CPEB3: variants seen among roughly 807,000 people sequenced by gnomAD.
CPEB3 encodes the protein cytoplasmic polyadenylation element binding protein 3.
A neutral mutation model predicts 67.2 loss-of-function variants in CPEB3; 20 were observed. The observed-to-expected ratio is 0.30, with a 90% CI of 0.21 to 0.43. The LOEUF (loss-of-function observed/expected upper bound fraction) is 0.43, where lower values mean the gene tolerates loss of function less well. Among genes scored for constraint, CPEB3 ranks in the 20% least tolerant of loss-of-function variants. CPEB3 has a pLI of 1.00. For synonymous variants in CPEB3, 376 were observed against 393.1 expected, an observed-to-expected ratio of 0.96 and a Z score of 0.51; for missense variants, 746 against 968.6, an observed-to-expected ratio of 0.77 and a Z score of 3.05.
chr10:92,287,315 A>G (rs1231428715), intron 1 of CPEB3, among the ~76,000 whole-genome samples: 1 of 152,180 alleles, frequency 6.6e-6, no homozygotes, highest in African/African-American at 2.4e-5. Context: ...ATATAAATGC[A>G]GGAGTGCATT....
chr10:92,218,530 G>A lies in CPEB3; in HGVS notation c.1005+20816C>T, dbSNP rs1340469506. 3.3e-5 allele frequency among the ~76,000 whole-genome samples: 5 copies of A among 152,180 alleles called. No individual in the cohort carries two copies. The East Asian group carries it at 9.6e-4, about 29-fold the overall frequency. Reference sequence around the variant, plus strand: ...AAAATGTCTCCTACTCAATCTTACAGGATGCATGGATATATGTGCATATGT... The same window carrying A: ...AAAATGTCTCCTACTCAATCTTACAAGATGCATGGATATATGTGCATATGT... On this transcript the variant is annotated intron_variant, in intron 2 of 9. Coordinates refer to ENST00000265997, the MANE Select transcript of CPEB3 (RefSeq NM_014912.5).
intron 1 of CPEB3, among the ~76,000 whole-genome samples, chr10:92,268,651 C>T (rs535691379): frequency 2.0e-5 from 3 of 152,262 alleles, no homozygotes; most frequent in African/African-American, 7.2e-5. Flanking sequence ...TCACTTTCTT[C>T]TTCTTCTGTT....
chr10:92,251,068 T>C lies in CPEB3; in HGVS notation c.-11-10707A>G, dbSNP rs573330064. On this transcript the variant is annotated intron_variant, in intron 1 of 9. Coordinates refer to ENST00000265997, the MANE Select transcript of CPEB3 (RefSeq NM_014912.5). ...TTACTGTACCCTTCTGAAGTTTAGA[T>C]ATACAAATACCTACCATTGTGTTAC... Among the ~76,000 whole-genome samples the C allele has an allele frequency of 5.3e-5, 8 of 152,142 alleles. No individual in the cohort carries two copies. The South Asian group carries it at 1.7e-3, about 32-fold the overall frequency.
At chr10:92,180,138 G>C (rs565874757) in intron 4 of CPEB3, among the ~76,000 whole-genome samples, 2 of 152,182 alleles carry the variant, frequency 1.3e-5, no homozygotes, top group Non-Finnish European at 2.9e-5. Flanking sequence ...CTAGGAAGGA[G>C]AGCTGATGCC....
intron 4 of CPEB3, among the ~76,000 whole-genome samples, chr10:92,154,116 G>C (rs1352930100): frequency 6.6e-6 from 1 of 152,138 alleles, no homozygotes; most frequent in Non-Finnish European, 1.5e-5. Flanking sequence ...GAAAAGCACA[G>C]CATATATTAA....
intron 7 of CPEB3, among the ~76,000 whole-genome samples, chr10:92,094,814 C>T (rs982752030): frequency 2.7e-5 from 4 of 150,846 alleles, no homozygotes; most frequent in African/African-American, 9.7e-5. Context: ...TAATGACACA[C>T]ACACACACAC....
Position 92,289,718 on chromosome 10 carries a change from CA to C in CPEB3, c.-12+1207del, listed in dbSNP as rs749285662. ...CAACATGGCGAGACCGCGTCTCTAC[CA>C]AAAAAAAAAAAAAATATATATATAT... is the stretch of plus-strand genomic sequence containing the variant. On this transcript the variant is annotated intron_variant, in intron 1 of 9. Transcript: ENST00000265997. Among the ~76,000 whole-genome samples the C allele has an allele frequency of 7.3e-3, 226 of 30,956 alleles. 4 individuals are homozygous for C. The highest frequency in any genetic ancestry group is 0.038 in the East Asian group (59 of 1,558). The allele number at this position is 30,956 out of a possible 152,430, so 20.3% of individuals were successfully genotyped here. A position where few individuals can be genotyped will look rare whatever the true frequency, so the allele number is the denominator to read the frequency against.
chr10:92,273,578 TTTCTC>T (rs1853394602), intron 1 of CPEB3, among the ~76,000 whole-genome samples: 1 of 152,184 alleles, frequency 6.6e-6, no homozygotes. Context: ...TTATGTATAC[TTTCTC>T]TTCTATCAAT....
At chr10:92,208,591 TTTTC>T (rs1360540755) in intron 2 of CPEB3, among the ~76,000 whole-genome samples, 2 of 150,118 alleles carry the variant, frequency 1.3e-5, no homozygotes, top group African/African-American at 2.5e-5. Flanking sequence ...CCCTTTTTTT[TTTTC>T]TTTCTTTTTT....
chr10:92,260,800 G>A (rs1852762736), intron 1 of CPEB3, among the ~76,000 whole-genome samples: 1 of 151,914 alleles, frequency 6.6e-6, no homozygotes, highest in Admixed American at 6.6e-5. Flanking sequence ...GTAGAGACGG[G>A]GTTTCGCCAT....
chr10:92,249,363 G>A (rs973201309), intron 1 of CPEB3, among the ~76,000 whole-genome samples: 5 of 141,396 alleles, frequency 3.5e-5, no homozygotes, highest in African/African-American at 1.3e-4. Flanking sequence ...TGGTGACAGA[G>A]CGAGACTCCG....
At chr10:92,273,414 C>T (rs1022295490) in intron 1 of CPEB3, among the ~76,000 whole-genome samples, 1 of 151,966 alleles carries the variant, frequency 6.6e-6, no homozygotes, top group Non-Finnish European at 1.5e-5. Context: ...ATTGAATAGT[C>T]GATTGTCTTC....
intron 2 of CPEB3, among the ~76,000 whole-genome samples, chr10:92,226,093 T>C (rs998835626): frequency 6.6e-6 from 1 of 152,050 alleles, no homozygotes; most frequent in Admixed American, 6.6e-5. Flanking sequence ...CGAGGCTCCA[T>C]CTCAAAAAAA....
At chr10:92,243,403 G>A (rs975209090) in intron 1 of CPEB3, 9 of 152,092 alleles carry the variant, frequency 5.9e-5, no homozygotes, top group Non-Finnish European at 1.0e-4. Context: ...ATTCTGAGGG[G>A]AAAAGGTTGT....
intron 1 of CPEB3, among the ~76,000 whole-genome samples, chr10:92,271,170 G>A (rs1853292705): frequency 3.3e-5 from 5 of 152,144 alleles, no homozygotes; most frequent in South Asian, 2.1e-4. Context: ...GTGATGGAGC[G>A]AGACTCTGTC....
intron 4 of CPEB3, among the ~76,000 whole-genome samples, chr10:92,169,540 A>G (rs978992218): frequency 3.9e-5 from 6 of 152,240 alleles, no homozygotes; most frequent in African/African-American, 1.4e-4. Flanking sequence ...GTTCAAGTTC[A>G]AGCATGGCAA....
At chr10:92,082,303 G>A (rs1190370040) in intron 8 of CPEB3, among the ~76,000 whole-genome samples, 1 of 151,016 alleles carries the variant, frequency 6.6e-6, no homozygotes, top group Non-Finnish European at 1.5e-5. Context: ...TTTGTTTACT[G>A]AGACAGAGTC....
chr10:92,096,045 T>C (rs1843861443), intron 7 of CPEB3, among the ~76,000 whole-genome samples: 1 of 150,300 alleles, frequency 6.7e-6, no homozygotes, highest in African/African-American at 2.4e-5. Context: ...TTTTTTTTTT[T>C]TTTTTTTTTT....
intron 6 of CPEB3, among the ~76,000 whole-genome samples, chr10:92,111,895 C>A (rs574278072): frequency 6.6e-6 from 1 of 152,280 alleles, no homozygotes; most frequent in South Asian, 2.1e-4. Context: ...AAAAGGCCAA[C>A]AATAAGCTGG....
Sources: gnomAD v4.1 joint callset for allele counts (sites outside exome capture counted in the v4.1 genomes callset) on GRCh38, gnomAD v4.1.1 for gene constraint, MANE v1.5 for transcripts, NCBI Gene and HGNC (gene_info 2026-07-23, HGNC 2026-07-21) for gene names.